IQANK1: variants seen among roughly 807,000 people sequenced by gnomAD.
IQANK1 encodes the protein IQ motif and ankyrin repeat containing 1.
IQANK1 carries 30 observed loss-of-function variants against 22.6 expected under a neutral mutation model. The ratio of observed to expected loss-of-function variants is 1.33; its 90% CI spans 0.99 to 1.80. The LOEUF (loss-of-function observed/expected upper bound fraction) is 1.80, where lower values mean the gene tolerates loss of function less well. Ranked by LOEUF, IQANK1 falls within the 40% of genes most tolerant of loss-of-function variation. IQANK1 has a pLI of 0.00. For synonymous variants in IQANK1, 122 were observed against 99.6 expected, an observed-to-expected ratio of 1.23 and a Z score of -1.34; for missense variants, 275 against 235.2, an observed-to-expected ratio of 1.17 and a Z score of -1.11.
chr8:143,740,200 C>A (rs1338637073), intron 3 of IQANK1, among the ~76,000 whole-genome samples: 1 of 152,006 alleles, frequency 6.6e-6, no homozygotes, highest in African/African-American at 2.4e-5. Flanking sequence ...CCCCGCCGCC[C>A]GGGTGCGTGG....
At chr8:143,755,899 G>A (rs182215804) in intron 3 of IQANK1, among the ~76,000 whole-genome samples, 5 of 151,948 alleles carry the variant, frequency 3.3e-5, no homozygotes, top group African/African-American at 1.2e-4. Context: ...TGGCAGCCTT[G>A]GGGGGAGGAA....
At chr8:143,772,783 CG>C (rs1819607021) in intron 7 of IQANK1, among the ~76,000 whole-genome samples, 2 of 152,208 alleles carry the variant, frequency 1.3e-5, no homozygotes, top group Non-Finnish European at 2.9e-5. Flanking sequence ...CCTTTGGTGT[CG>C]GGTTTTGTGT....
intron 7 of IQANK1, among the ~76,000 whole-genome samples, chr8:143,780,023 A>G (rs904227444): frequency 6.6e-6 from 1 of 152,270 alleles, no homozygotes; most frequent in East Asian, 1.9e-4. Context: ...GACATACAGA[A>G]TATTGCAGAA....
At chr8:143,787,885 A>C in intron 7 of IQANK1, among the ~76,000 whole-genome samples, 1 of 147,942 alleles carries the variant, frequency 6.8e-6, no homozygotes, top group Non-Finnish European at 1.5e-5. Context: ...GTCCACCTCC[A>C]CCTGGCCCCG....
chr8:143,782,624 G>A (rs1456132599), intron 7 of IQANK1, among the ~76,000 whole-genome samples: 4 of 152,118 alleles, frequency 2.6e-5, no homozygotes, highest in Non-Finnish European at 5.9e-5. Flanking sequence ...GGGATTACAG[G>A]CACGTGCCAC....
At chr8:143,748,727 CATATATAA>C (rs1374427182) in intron 3 of IQANK1, among the ~76,000 whole-genome samples, 7 of 78,858 alleles carry the variant, frequency 8.9e-5, no homozygotes, top group African/African-American at 2.6e-4. Context: ...TCATATATAT[CATATATAA>C]ATATATAAAT....
chr8:143,769,570 C>T (rs1193235643), intron 3 of IQANK1, among the ~76,000 whole-genome samples: 1 of 152,200 alleles, frequency 6.6e-6, no homozygotes, highest in Non-Finnish European at 1.5e-5. Context: ...TTAGCTAAAT[C>T]TGGCAACCCT....
chr8:143,742,230 G>A (rs1425367279), intron 3 of IQANK1: 1 of 382,188 alleles, frequency 2.6e-6, no homozygotes, highest in Non-Finnish European at 5.3e-6. Flanking sequence ...GCCCTCACTG[G>A]TGTCCGGAGT....
At chr8:143,773,300 CAAAAAAA>C (rs1185632785) in intron 7 of IQANK1, among the ~76,000 whole-genome samples, 8 of 79,696 alleles carry the variant, frequency 1.0e-4, no homozygotes, top group African/African-American at 3.5e-4. Flanking sequence ...GAGTGAGACT[CAAAAAAA>C]AAAAAAAAAC....
chr8:143,776,087 C>T (rs1206403232), intron 7 of IQANK1, among the ~76,000 whole-genome samples: 21 of 151,656 alleles, frequency 1.4e-4, no homozygotes, highest in African/African-American at 3.2e-4. Flanking sequence ...TTTGGGAGGC[C>T]GAGGCGGGCA....
chr8:143,749,771 C>CG (rs1819152671), intron 3 of IQANK1, among the ~76,000 whole-genome samples: 1 of 149,530 alleles, frequency 6.7e-6, no homozygotes, highest in South Asian at 2.1e-4. Context: ...CCCTGTTGGC[C>CG]GGGGTGGTCT....
rs11783919 is a variant in IQANK1 at position 143,735,316 on chromosome 8, G to A, written c.-4-534G>A. On this transcript the variant is annotated intron_variant, in intron 1 of 13. Transcript: ENST00000527139. This position sits in a 1 kb window ranked among gnomAD's most constrained non-coding sequence, Gnocchi z 5.2. Reference sequence around the variant, plus strand: ...AGCTGTGTGGACTAGGGAGAGGGGTGTTGCTCCAGGGCCTGACACCACCAT... The same window carrying A: ...AGCTGTGTGGACTAGGGAGAGGGGTATTGCTCCAGGGCCTGACACCACCAT... Among the ~76,000 whole-genome samples, 151,453 of 152,162 alleles carry A rather than the reference G, an allele frequency of 1. 75,375 individuals carry two copies. Among genetic ancestry groups the A allele is most frequent in the Middle Eastern group, 1 (294 of 294 alleles).
chr8:143,740,572 C>T (rs1444799869), intron 3 of IQANK1, among the ~76,000 whole-genome samples: 3 of 152,266 alleles, frequency 2.0e-5, no homozygotes, highest in Non-Finnish European at 2.9e-5. Flanking sequence ...CGCGGGACTG[C>T]CTCACCCACG....
chr8:143,754,446 A>G (rs1019167318), intron 3 of IQANK1, among the ~76,000 whole-genome samples: 5 of 152,110 alleles, frequency 3.3e-5, no homozygotes, highest in Admixed American at 3.3e-4. Flanking sequence ...TGCGCCTGCA[A>G]GCTCCCATGC....
Position 143,771,608 on chromosome 8 carries a change from C to T in IQANK1, c.296C>T (p.Pro99Leu). 1 of 398,600 alleles carries T rather than the reference C, an allele frequency of 2.5e-6. No individual in the cohort carries two copies. The allele number at this position is 398,600 out of a possible 1,614,324, so 24.7% of individuals were successfully genotyped here. The change falls in exon 4 of 14, where the codon CCG becomes CTG. Residue 99 changes from proline to leucine, a missense_variant. Physicochemically the swap from Pro to Leu is moderately conservative, Grantham distance 98. Transcript: ENST00000527139. The surrounding 1 kb of genome is among the most constrained non-coding windows in gnomAD (Gnocchi z 6.0). ...GAGTACCTGGAGCAGATGGAGACGC[C>T]GCAGAAGGAGGTGAGGACGGGCAGC... ...RREYLEQMETPQKEAYLAPVR... is the reference protein window; with the variant it reads ...RREYLEQMETLQKEAYLAPVR...
chr8:143,762,627 G>A (rs1819415159), intron 3 of IQANK1, among the ~76,000 whole-genome samples: 1 of 152,152 alleles, frequency 6.6e-6, no homozygotes, highest in Non-Finnish European at 1.5e-5. Context: ...TCCATGGAGG[G>A]GCAACTTGCT....
chr8:143,773,620 A>G (rs1819628404), intron 7 of IQANK1, among the ~76,000 whole-genome samples: 1 of 151,918 alleles, frequency 6.6e-6, no homozygotes, highest in East Asian at 1.9e-4. Flanking sequence ...CCCACGGCAG[A>G]CACCTGGGAG....
At chr8:143,764,937 C>G (rs1399373426) in intron 3 of IQANK1, among the ~76,000 whole-genome samples, 7 of 152,210 alleles carry the variant, frequency 4.6e-5, no homozygotes, top group Non-Finnish European at 1.0e-4. Flanking sequence ...GTCACCAACA[C>G]TATTGCATCC....
At chr8:143,775,258 A>C (rs1314435297) in intron 7 of IQANK1, among the ~76,000 whole-genome samples, 1 of 151,560 alleles carries the variant, frequency 6.6e-6, no homozygotes, top group Non-Finnish European at 1.5e-5. Context: ...GTATATGGGA[A>C]CTCTACTATT....
Sources: allele counts gnomAD v4.1 joint callset (sites outside exome capture counted in the v4.1 genomes callset), GRCh38; gene constraint gnomAD v4.1.1; non-coding constraint Gnocchi (gnomAD v3.1); transcripts MANE v1.5; gene names NCBI Gene and HGNC (gene_info 2026-07-23, HGNC 2026-07-21).